CDH10: variants seen among roughly 807,000 people sequenced by gnomAD.
CDH10 encodes cadherin-10.
A neutral mutation model predicts 73.1 loss-of-function variants in CDH10; 30 were observed. That is an observed-to-expected ratio of 0.41 (90% CI 0.31 to 0.56). The LOEUF is 0.56. CDH10 is among the 20% of genes least tolerant of loss of function. The probability of loss-of-function intolerance (pLI) is 0.27; values close to 1 mark genes in which losing one functional copy is unlikely to be tolerated. For missense variants in CDH10, 815 were observed against 973.7 expected (o/e 0.84, Z 2.17); for synonymous variants, 345 against 348.2 (o/e 0.99, Z 0.10).
intron 2 of CDH10, among the ~76,000 whole-genome samples, chr5:24,584,445 C>CTTT (rs34192671): frequency 0.083 from 2,316 of 27,980 alleles, 60 homozygotes; most frequent in Non-Finnish European, 0.14. Context: ...CTTTCTTTTC[C>CTTT]TTTTTTTTTT....
At chr5:24,593,179 TG>T in intron 2 of CDH10, 80 bp downstream of exon 2, 2 of 750,148 alleles carry the variant, frequency 2.7e-6, no homozygotes, top group Non-Finnish European at 2.3e-6. Context: ...ATAAAAATGA[TG>T]GTTTGATGAC....
chr5:24,608,132 C>T (rs1746821143), intron 1 of CDH10, among the ~76,000 whole-genome samples: 1 of 151,980 alleles, frequency 6.6e-6, no homozygotes, highest in African/African-American at 2.4e-5. Context: ...AAAAAGATTG[C>T]CGACAGAATT....
At chr5:24,582,680 C>CA (rs761175900) in intron 2 of CDH10, among the ~76,000 whole-genome samples, 80 of 151,700 alleles carry the variant, frequency 5.3e-4, no homozygotes, top group Admixed American at 1.6e-3. Context: ...GACTGTGGAT[C>CA]AAAAAAAACA....
At chr5:24,592,763 T>G (rs1250963555) in intron 2 of CDH10, among the ~76,000 whole-genome samples, 7 of 151,818 alleles carry the variant, frequency 4.6e-5, no homozygotes, top group African/African-American at 1.4e-4. Context: ...ATAACATTCA[T>G]ACCTAGAATA....
At chr5:24,587,680 T>A (rs1474837015) in intron 2 of CDH10, among the ~76,000 whole-genome samples, 1 of 152,100 alleles carries the variant, frequency 6.6e-6, no homozygotes, top group East Asian at 1.9e-4. Flanking sequence ...TATTCTTGAC[T>A]ATATATTTTA....
At chr5:24,579,643 G>C (rs1039177809) in intron 2 of CDH10, among the ~76,000 whole-genome samples, 4 of 152,078 alleles carry the variant, frequency 2.6e-5, no homozygotes, top group Admixed American at 1.3e-4. Flanking sequence ...TCTTGACTTA[G>C]CAGCAGCTTT....
chr5:24,579,171 T>G (rs1057486278), intron 2 of CDH10, among the ~76,000 whole-genome samples: 3 of 151,880 alleles, frequency 2.0e-5, no homozygotes, highest in African/African-American at 7.2e-5. Context: ...AGGCAATTCC[T>G]TCTTCTGCTA....
In CDH10 at chr5:24,537,606, A is replaced by T. The variant is rs1294410363; in HGVS notation, c.300T>A (p.Thr100=). Reference sequence around the variant, plus strand: ...CTGTTTTTTCATCAATAATAAAAAGAGTACCAGCTCCATCTCCAGATAAGA... The same window carrying T: ...CTGTTTTTTCATCAATAATAAAAAGTGTACCAGCTCCATCTCCAGATAAGA... The part of the protein sequence containing the change: ...KYILSGDGAG[T]LFIIDEKTGD... The change falls in exon 3 of 12, where the codon ACT becomes ACA. Residue 100 remains threonine, a synonymous_variant. Coordinates refer to ENST00000264463, the MANE Select transcript of CDH10 (RefSeq NM_006727.5). The T allele has an allele frequency of 2.5e-6, 4 of 1,606,562 alleles. No homozygotes were observed. Among genetic ancestry groups the T allele is most frequent in the Non-Finnish European group, 3.4e-6 (4 of 1,173,510 alleles).
At chr5:24,543,565 T>C (rs1050329512) in intron 2 of CDH10, among the ~76,000 whole-genome samples, 2 of 152,160 alleles carry the variant, frequency 1.3e-5, no homozygotes, top group African/African-American at 2.4e-5. Flanking sequence ...GAAAAAAATG[T>C]AGAATGTGGC....
chr5:24,571,987 C>A (rs932966706), intron 2 of CDH10, among the ~76,000 whole-genome samples: 1 of 151,096 alleles, frequency 6.6e-6, no homozygotes, highest in Non-Finnish European at 1.5e-5. Context: ...AAAAAAAAAT[C>A]GACAGAAGGG....
chr5:24,637,382 C>T (rs895266003), intron 1 of CDH10, among the ~76,000 whole-genome samples: 1 of 151,978 alleles, frequency 6.6e-6, no homozygotes. Context: ...TGGAGGAATA[C>T]ATGACTGCCC....
intron 2 of CDH10, among the ~76,000 whole-genome samples, chr5:24,570,627 A>G (rs1285105561): frequency 1.3e-5 from 2 of 151,324 alleles, no homozygotes. Context: ...CTCAAAATGT[A>G]CACTGCTTGT....
intron 1 of CDH10, among the ~76,000 whole-genome samples, chr5:24,633,059 T>A (rs956758214): frequency 6.6e-6 from 1 of 151,822 alleles, no homozygotes; most frequent in African/African-American, 2.4e-5. Flanking sequence ...ATGAGCTATA[T>A]ACAAAGACAA....
At chr5:24,502,968 T>C (rs1452381927) in intron 8 of CDH10, among the ~76,000 whole-genome samples, 1 of 152,148 alleles carries the variant, frequency 6.6e-6, no homozygotes, top group Non-Finnish European at 1.5e-5. Flanking sequence ...AGCAATTAAA[T>C]GGAGAGAACA....
chr5:24,514,156 T>C (rs1461536734), intron 5 of CDH10, among the ~76,000 whole-genome samples: 1 of 152,186 alleles, frequency 6.6e-6, no homozygotes, highest in African/African-American at 2.4e-5. Context: ...CTAGCTCCTA[T>C]GCTTGGCCAA....
At chr5:24,561,773 A>T (rs1744967471) in intron 2 of CDH10, among the ~76,000 whole-genome samples, 1 of 152,206 alleles carries the variant, frequency 6.6e-6, no homozygotes. Context: ...GAAATCCTGA[A>T]GAAGCTCAAG....
At chr5:24,529,335 T>C (rs1743642270) in intron 5 of CDH10, among the ~76,000 whole-genome samples, 1 of 152,020 alleles carries the variant, frequency 6.6e-6, no homozygotes, top group African/African-American at 2.4e-5. Flanking sequence ...TAATCTTTAG[T>C]GTTAATTTGA....
In CDH10 at chr5:24,509,634, A is replaced by G. The variant is rs958144526; in HGVS notation, c.1188T>C (p.Asp396=). The change falls in exon 7 of 12, where the codon GAT becomes GAC. Residue 396 remains aspartate, a synonymous_variant. Coordinates refer to ENST00000264463, the MANE Select transcript of CDH10 (RefSeq NM_006727.5). ...TACCAATGATTGTGCCCACTTCAAT[A>G]TCTTCATGAACTTCAAACAGATAGG... The part of the protein sequence containing the change: ...RSSYLFEVHE[D]IEVGTIIGTV... 1.9e-6 allele frequency: 3 copies of G among 1,613,534 alleles called. No individual in the cohort carries two copies. The highest frequency in any genetic ancestry group is 1.7e-5 in the Admixed American group (1 of 59,998).
chr5:24,563,764 G>A (rs1364911966), intron 2 of CDH10, among the ~76,000 whole-genome samples: 3 of 103,958 alleles, frequency 2.9e-5, no homozygotes, highest in African/African-American at 3.9e-5. Flanking sequence ...GCGAGACTCC[G>A]CCCCCTCCAC....
Sources: allele counts gnomAD v4.1 joint callset (sites outside exome capture counted in the v4.1 genomes callset), GRCh38; gene constraint gnomAD v4.1.1; transcripts MANE v1.5; gene names NCBI Gene and HGNC (gene_info 2026-07-23, HGNC 2026-07-21).